CR1: variants seen among roughly 807,000 people sequenced by gnomAD.
The protein encoded by CR1 is complement receptor type 1.
Under a neutral mutation model 187.3 loss-of-function variants are expected in CR1, and 116 were observed. The ratio of observed to expected loss-of-function variants is 0.62; its 90% CI spans 0.53 to 0.72. The LOEUF is 0.72. Among genes scored for constraint, CR1 ranks in the 30% least tolerant of loss-of-function variants. CR1 has a pLI of 0.00. For synonymous variants in CR1, 576 were observed against 747.1 expected, an observed-to-expected ratio of 0.77 and a Z score of 3.73; for missense variants, 1,731 against 2,110.7, an observed-to-expected ratio of 0.82 and a Z score of 3.52.
At chr1:207,615,396 CAG>C (rs1187898703) in intron 40 of CR1, among the ~76,000 whole-genome samples, 4 of 152,140 alleles carry the variant, frequency 2.6e-5, no homozygotes, top group African/African-American at 9.6e-5. Flanking sequence ...GAAAATAAAA[CAG>C]AGTTATATGA....
Position 207,607,342 on chromosome 1 carries a change from T to G in CR1, c.5896+6T>G. On this transcript the variant is annotated splice_donor_region_variant and intron_variant, in intron 36 of 46. Coordinates refer to ENST00000367049, the MANE Select transcript of CR1 (RefSeq NM_000651.6). ...GAAGGCACCTATTTGTGAGAGTAAGTTGAAATACTTTTCTCCACAAATTCC... is the reference window on the plus strand; with the variant it reads ...GAAGGCACCTATTTGTGAGAGTAAGGTGAAATACTTTTCTCCACAAATTCC... 1 of 1,600,576 alleles carries G rather than the reference T, an allele frequency of 6.2e-7. No individual in the cohort carries two copies. The highest frequency in any genetic ancestry group is 1.7e-4 in the Middle Eastern group (1 of 6,038).
intron 35 of CR1, among the ~76,000 whole-genome samples, chr1:207,591,956 G>A (rs1016549319): frequency 3.3e-5 from 5 of 152,066 alleles, no homozygotes; most frequent in Non-Finnish European, 7.4e-5. Context: ...GTAATTAATA[G>A]CCTACCAACC....
chr1:207,593,444 A>T (rs988049421), intron 35 of CR1, among the ~76,000 whole-genome samples: 1 of 152,250 alleles, frequency 6.6e-6, no homozygotes, highest in East Asian at 1.9e-4. Flanking sequence ...TTTACATCTT[A>T]TACAAAAACT....
chr1:207,616,652 A>G lies in CR1; in HGVS notation c.6739A>G (p.Lys2247Glu), dbSNP rs1216100541. The G allele has an allele frequency of 1.2e-6, 2 of 1,613,894 alleles. No homozygotes were observed. Among genetic ancestry groups the G allele is most frequent in the Admixed American group, 3.3e-5 (2 of 60,014 alleles). ...TCCCTTTGGAGATATTCCCTATGGA[A>G]AAGAAATATCTTACGCATGCGACAC... Reference protein sequence around the residue: ...GTPFGDIPYGKEISYACDTHP... With the variant: ...GTPFGDIPYGEEISYACDTHP... Residue 2247 changes from lysine to glutamate, a missense_variant, in exon 41 of 47, where the codon AAA (lysine) becomes GAA (glutamate). This residue lies in a region of CR1 where 1,312 missense variants were observed against 1,379.6 expected (regional missense o/e 0.95). Coordinates refer to ENST00000367049, the MANE Select transcript of CR1 (RefSeq NM_000651.6).
rs760688003 is a variant in CR1 at position 207,616,625 on chromosome 1, A to C, written c.6712A>C (p.Thr2238Pro). The C allele has an allele frequency of 1.9e-6, 3 of 1,613,668 alleles. No homozygotes were observed. Among genetic ancestry groups the C allele is most frequent in the Non-Finnish European group, 2.5e-6 (3 of 1,179,698 alleles). The change falls in exon 41 of 47, where the codon ACT (threonine) becomes CCT (proline). Residue 2238 changes from threonine (T) to proline (P), a missense_variant. Thr to Pro is a conservative substitution (Grantham distance 38). This residue lies in a region of CR1 where 1,312 missense variants were observed against 1,379.6 expected (regional missense o/e 0.95). Coordinates refer to ENST00000367049, the MANE Select transcript of CR1 (RefSeq NM_000651.6). ...TATCCTTAATGGGAGACACACAGGAACTCCCTTTGGAGATATTCCCTATGG... is the reference window on the plus strand; with the variant it reads ...TATCCTTAATGGGAGACACACAGGACCTCCCTTTGGAGATATTCCCTATGG... The part of the protein sequence containing the change: ...PAILNGRHTG[T>P]PFGDIPYGKE...
At chr1:207,617,501 A>ATG (rs1195163572) in intron 41 of CR1, among the ~76,000 whole-genome samples, 5 of 56,444 alleles carry the variant, frequency 8.9e-5, no homozygotes, top group Middle Eastern at 6.3e-3. Context: ...ATATATATAT[A>ATG]TATATATGTG....
chr1:207,574,028 G>C (rs116714583), intron 27 of CR1, among the ~76,000 whole-genome samples: 358 of 152,300 alleles, frequency 2.4e-3, no homozygotes, highest in African/African-American at 8.0e-3. Flanking sequence ...AGCTAGGCAG[G>C]AGACTAAAGT....
intron 32 of CR1, among the ~76,000 whole-genome samples, chr1:207,582,308 A>C (rs1263929620): frequency 6.6e-6 from 1 of 152,204 alleles, no homozygotes; most frequent in African/African-American, 2.4e-5. Context: ...TGTCAAAAGT[A>C]ATAGTCATAC....
At chr1:207,523,566 A>G (rs781334848) in intron 4 of CR1, 45 bp from the exon 5 acceptor site, 5 of 1,610,876 alleles carry the variant, frequency 3.1e-6, no homozygotes, top group Non-Finnish European at 3.4e-6. Flanking sequence ...TCTGTCATTC[A>G]TTATTTAAAC....
intron 1 of CR1, among the ~76,000 whole-genome samples, chr1:207,500,436 C>T (rs565555831): frequency 1.3e-5 from 2 of 152,228 alleles, no homozygotes; most frequent in South Asian, 2.1e-4. Context: ...GTTGACAGCT[C>T]ATATTGCAAC....
intron 4 of CR1, among the ~76,000 whole-genome samples, chr1:207,512,621 G>A (rs900046325): frequency 6.6e-6 from 1 of 152,076 alleles, no homozygotes; most frequent in Non-Finnish European, 1.5e-5. Context: ...GAAAGTTTAA[G>A]AGCTTCAGAA....
intron 29 of CR1, 38 bp from the exon 30 acceptor site, chr1:207,580,202 C>T (rs117447527): frequency 6.2e-7 from 1 of 1,605,064 alleles, no homozygotes; most frequent in East Asian, 2.2e-5. Context: ...GAAATTCCCC[C>T]ATAACTAACA....
intron 34 of CR1, 35 bp downstream of exon 34, chr1:207,587,600 T>A (rs1323051580): frequency 6.3e-7 from 1 of 1,594,274 alleles, no homozygotes; most frequent in Admixed American, 1.7e-5. Flanking sequence ...ACTTCATGTC[T>A]GTTAAAGCAT....
chr1:207,593,275 ACAGAACAGAGGCCT>A (rs1326990849), intron 35 of CR1, among the ~76,000 whole-genome samples: 1 of 152,152 alleles, frequency 6.6e-6, no homozygotes, highest in African/African-American at 2.4e-5. Flanking sequence ...GACCAATGGA[ACAGAACAGAGGCCT>A]CAGAAATAAT....
At chr1:207,619,507 G>A (rs2102400388) in intron 42 of CR1, among the ~76,000 whole-genome samples, 1 of 152,306 alleles carries the variant, frequency 6.6e-6, no homozygotes, top group East Asian at 1.9e-4. Context: ...AGAGCAGAGT[G>A]CCAGTATTTG....
rs745511420 is a variant in CR1 at position 207,578,230 on chromosome 1, C to T, written c.4936+27C>T. The T allele has an allele frequency of 1.2e-5, 20 of 1,611,600 alleles. No individual in the cohort carries two copies. The East Asian group carries it at 3.3e-4, about 27-fold the overall frequency. Reference sequence around the variant, plus strand: ...TGAGTCTGACTGATGCCTAGAAGGGCCCTGCCAGTGACATGTGTTGCTGTT... The same window carrying T: ...TGAGTCTGACTGATGCCTAGAAGGGTCCTGCCAGTGACATGTGTTGCTGTT... On this transcript the variant is annotated intron_variant, in intron 29 of 46. Coordinates refer to ENST00000367049, the MANE Select transcript of CR1 (RefSeq NM_000651.6).
intron 32 of CR1, among the ~76,000 whole-genome samples, chr1:207,582,499 G>C (rs1262392445): frequency 1.3e-5 from 2 of 152,164 alleles, no homozygotes; most frequent in South Asian, 4.1e-4. Context: ...AAAAATCAAA[G>C]ACATGAATAG....
At position 207,506,760 on chromosome 1, in the gene CR1, T is replaced by C. The variant is rs754343415; in HGVS notation, c.348T>C (p.His116=). ...CAGATCCTGTGAATGGCATGGTGCA[T>C]GTGATCAAAGGCATCCAGTTCGGAT... is the stretch of plus-strand genomic sequence containing the variant. ...NPPDPVNGMV[H]VIKGIQFGSQ... The change falls in exon 3 of 47, where the codon CAT becomes CAC. Residue 116 remains histidine (H), a synonymous_variant. Coordinates refer to ENST00000367049, the MANE Select transcript of CR1 (RefSeq NM_000651.6). 9 of 1,613,710 alleles carry C rather than the reference T, an allele frequency of 5.6e-6. No individual in the cohort carries two copies. The highest frequency in any genetic ancestry group is 6.8e-6 in the Non-Finnish European group (8 of 1,179,712).
Position 207,619,857 on chromosome 1 carries a change from C to A in CR1, c.7067-23C>A, listed in dbSNP as rs148661946. ...ACAATCAACAATAAAATATCAATTT[C>A]TTTCTGATTTGTCTAATTTCAGAAG... On this transcript the variant is annotated intron_variant, in intron 42 of 46. Transcript: ENST00000367049. The A allele has an allele frequency of 3.3e-3, 5,129 of 1,542,470 alleles. 10 individuals are homozygous for A. The highest frequency in any genetic ancestry group is 4.3e-3 in the Non-Finnish European group (4,879 of 1,141,420).
Sources: gnomAD v4.1 joint callset for allele counts (sites outside exome capture counted in the v4.1 genomes callset) on GRCh38, gnomAD v4.1.1 for gene constraint, gnomAD v4.1.1 regional missense constraint, MANE v1.5 for transcripts, NCBI Gene and HGNC (gene_info 2026-07-23, HGNC 2026-07-21) for gene names.